Variants in C10orf90 observed in about 807,000 individuals in gnomAD.
C10orf90 encodes the protein (E2-independent) E3 ubiquitin-conjugating enzyme FATS.
Under a neutral mutation model 62.5 loss-of-function variants are expected in C10orf90, and 56 were observed. The observed-to-expected ratio is 0.90, with a 90% CI of 0.72 to 1.12. The LOEUF (loss-of-function observed/expected upper bound fraction) is 1.12, where lower values mean the gene tolerates loss of function less well. Among genes scored for constraint, C10orf90 ranks in the 50% most tolerant of loss-of-function variants. The pLI, the probability that C10orf90 is intolerant of heterozygous loss-of-function variation, is 0.00. For missense variants in C10orf90, 970 were observed against 880.4 expected (o/e 1.10, Z -1.29); for synonymous variants, 386 against 340.4 (o/e 1.13, Z -1.47).
At chr10:126,670,138 A>C in intron 1 of C10orf90, 103 bp downstream of exon 1, 1 of 366,174 alleles carries the variant, frequency 2.7e-6, no homozygotes, top group South Asian at 2.1e-5. Flanking sequence ...CAAATGATTA[A>C]TTTATTAGAC....
intron 4 of C10orf90, among the ~76,000 whole-genome samples, chr10:126,489,178 G>A (rs1194666775): frequency 6.6e-6 from 1 of 151,818 alleles, no homozygotes; most frequent in Non-Finnish European, 1.5e-5. Flanking sequence ...AAAGTATAAT[G>A]GATCATGACC....
intron 6 of C10orf90, among the ~76,000 whole-genome samples, chr10:126,460,344 G>A (rs1859888898): frequency 6.6e-6 from 1 of 152,250 alleles, no homozygotes; most frequent in African/African-American, 2.4e-5. Flanking sequence ...GCATGTATAT[G>A]CTCAGCAAAG....
chr10:126,429,913 A>G (rs1362924957), intron 7 of C10orf90, 63 bp from the exon 8 acceptor site: 4 of 1,386,806 alleles, frequency 2.9e-6, no homozygotes, highest in South Asian at 2.3e-5. Flanking sequence ...TTCTAGAGAA[A>G]CATTGTGATT....
chr10:126,618,002 G>A (rs1845575721), intron 2 of C10orf90, among the ~76,000 whole-genome samples: 1 of 152,168 alleles, frequency 6.6e-6, no homozygotes, highest in South Asian at 2.1e-4. Flanking sequence ...AATGGATGAG[G>A]CCCCTTCTGA....
chr10:126,490,035 A>ATT (rs1439793423), intron 4 of C10orf90, among the ~76,000 whole-genome samples: 2 of 112,970 alleles, frequency 1.8e-5, no homozygotes, highest in Non-Finnish European at 3.5e-5. Context: ...TATAATATAT[A>ATT]ATATATATTA....
chr10:126,500,493 T>C (rs1340896993), intron 4 of C10orf90, among the ~76,000 whole-genome samples: 1 of 152,148 alleles, frequency 6.6e-6, no homozygotes, highest in Non-Finnish European at 1.5e-5. Flanking sequence ...AGAACATATG[T>C]TGTGGTTATG....
chr10:126,540,908 G>C (rs1041833131), intron 2 of C10orf90, among the ~76,000 whole-genome samples: 1 of 152,088 alleles, frequency 6.6e-6, no homozygotes, highest in Admixed American at 6.6e-5. Flanking sequence ...TATAATATTC[G>C]TAATCTGTTT....
intron 1 of C10orf90, among the ~76,000 whole-genome samples, chr10:126,652,909 C>T (rs1039180843): frequency 6.6e-6 from 1 of 152,036 alleles, no homozygotes; most frequent in African/African-American, 2.4e-5. Context: ...AGTTGCAGAC[C>T]ACCACAATAA....
rs75117984 is a variant in C10orf90, at chr10:126,471,942, C to T, written c.1535-6956G>A. The stretch of plus-strand genomic sequence containing the variant: ...CAGAAATAAAACACACACACACACA[C>T]GTGCACACACTCATGCCCATTTCCT... On this transcript the variant is annotated intron_variant, in intron 4 of 9. Transcript: ENST00000488181. Among the ~76,000 whole-genome samples the T allele has an allele frequency of 8.0e-4, 121 of 151,832 alleles. 1 individual carries two copies. The highest frequency in any genetic ancestry group is 1.4e-3 in the Admixed American group (22 of 15,278).
intron 2 of C10orf90, chr10:126,523,638 T>C (rs1057482820): frequency 1.3e-5 from 2 of 152,228 alleles, no homozygotes; most frequent in African/African-American, 4.8e-5. Flanking sequence ...CGGTATTAAA[T>C]ACTTTCCTAA....
intron 8 of C10orf90, among the ~76,000 whole-genome samples, chr10:126,427,315 G>T (rs1857320168): frequency 6.6e-6 from 1 of 152,230 alleles, no homozygotes; most frequent in South Asian, 2.1e-4. Context: ...TCTGCAGTGG[G>T]AATTTCCTCA....
chr10:126,592,061 T>C (rs1038846679), intron 2 of C10orf90, among the ~76,000 whole-genome samples: 3 of 152,040 alleles, frequency 2.0e-5, no homozygotes, highest in Admixed American at 6.6e-5. Context: ...CACAAACAAA[T>C]GGAAAAACAT....
At position 126,576,704 on chromosome 10, in the gene C10orf90, TG is replaced by T. The variant is rs1234647969; in HGVS notation, c.314-62766del. Among the ~76,000 whole-genome samples, 656 of 74,116 alleles carry T rather than the reference TG, an allele frequency of 8.9e-3. 94 individuals are homozygous for T. Among genetic ancestry groups the T allele is most frequent in the African/African-American group, 0.036 (632 of 17,792 alleles). 48.6% of individuals were successfully genotyped at this position (74,116 alleles called of 152,430 possible). On this transcript the variant is annotated intron_variant, in intron 2 of 9. Transcript: ENST00000488181. ...ATATACATATACATGTATATGTATA[TG>T]TATATATATACAAGATATACATATA... is the stretch of plus-strand genomic sequence containing the variant.
intron 8 of C10orf90, among the ~76,000 whole-genome samples, chr10:126,426,634 G>T (rs773176700): frequency 2.6e-5 from 4 of 152,100 alleles, no homozygotes; most frequent in Non-Finnish European, 4.4e-5. Context: ...AGGGCCCAGG[G>T]GATCTTCCTC....
chr10:126,507,866 A>G (rs1462358737), intron 3 of C10orf90, among the ~76,000 whole-genome samples: 1 of 152,090 alleles, frequency 6.6e-6, no homozygotes, highest in Admixed American at 6.5e-5. Context: ...AGCACTTTTT[A>G]TGGATGTAGT....
intron 7 of C10orf90, among the ~76,000 whole-genome samples, chr10:126,455,850 A>G (rs1389549115): frequency 6.6e-6 from 1 of 152,170 alleles, no homozygotes; most frequent in Non-Finnish European, 1.5e-5. Context: ...GGTGCTCAGA[A>G]TTCACTAGCT....
chr10:126,531,257 G>A (rs537108757), intron 2 of C10orf90, among the ~76,000 whole-genome samples: 2 of 152,146 alleles, frequency 1.3e-5, no homozygotes, highest in Non-Finnish European at 2.9e-5. Flanking sequence ...AGCTGGGGTT[G>A]ATTTTGCTGC....
In C10orf90 at chr10:126,504,532, C is replaced by T; in HGVS notation, c.959G>A (p.Trp320Ter). Residue 320 changes from tryptophan to a stop codon, truncating the protein, a stop_gained, in exon 4 of 10, where the codon TGG becomes TAG. Coordinates refer to ENST00000488181, the MANE Select transcript of C10orf90 (RefSeq NM_001350921.2). LOFTEE classifies it high-confidence loss of function. The surrounding 1 kb of genome is among the most constrained non-coding windows in gnomAD (Gnocchi z 4.1). ...CTCTTTGTCGTCTGCATGGGTGACC[C>T]AGTACTTGCGTCTCTCACACAACCC... ...HTGLCERRKY[W>*]VTHADDKETS... 6.2e-7 allele frequency: 1 copy of T among 1,614,204 alleles called. No individual in the cohort carries two copies. The highest frequency in any genetic ancestry group is 8.5e-7 in the Non-Finnish European group (1 of 1,180,036).
intron 2 of C10orf90, among the ~76,000 whole-genome samples, chr10:126,568,437 T>G (rs1325117357): frequency 6.6e-6 from 1 of 152,148 alleles, no homozygotes; most frequent in East Asian, 1.9e-4. Flanking sequence ...CCTCACCATA[T>G]AGCCCCTCCG....
Sources: allele counts gnomAD v4.1 joint callset (sites outside exome capture counted in the v4.1 genomes callset), GRCh38; gene constraint gnomAD v4.1.1; non-coding constraint Gnocchi (gnomAD v3.1); transcripts MANE v1.5; gene names NCBI Gene and HGNC (gene_info 2026-07-23, HGNC 2026-07-21).